The following ARHGAP23 variants were observed in gnomAD, a reference collection of about 807,000 sequenced individuals.
ARHGAP23 encodes Rho GTPase activating protein 23.
A neutral mutation model predicts 136.3 loss-of-function variants in ARHGAP23; 34 were observed. The ratio of observed to expected loss-of-function variants is 0.25; its 90% CI spans 0.19 to 0.33. ARHGAP23 has a LOEUF of 0.33. Among genes scored for constraint, ARHGAP23 ranks in the 10% least tolerant of loss-of-function variants. The probability of loss-of-function intolerance (pLI) is 1.00; values close to 1 mark genes in which losing one functional copy is unlikely to be tolerated. For missense variants in ARHGAP23, 1,808 were observed against 2,139.0 expected (o/e 0.85, Z 3.05); for synonymous variants, 832 against 920.5 (o/e 0.90, Z 1.74).
intron 23 of ARHGAP23, among the ~76,000 whole-genome samples, chr17:38,507,527 G>A (rs1006648371): frequency 3.9e-5 from 6 of 152,128 alleles, no homozygotes; most frequent in African/African-American, 1.4e-4. Context: ...ATCTCTCTGT[G>A]AATCTGCTGA....
At chr17:38,469,323 C>T in intron 8 of ARHGAP23, 24 bp downstream of exon 8, 2 of 1,539,348 alleles carry the variant, frequency 1.3e-6, no homozygotes, top group South Asian at 2.4e-5. Flanking sequence ...ACACCCCCAG[C>T]CCCACCCTCT....
intron 15 of ARHGAP23, 74 bp downstream of exon 15, chr17:38,482,217 A>G: frequency 6.6e-7 from 1 of 1,522,460 alleles, no homozygotes; most frequent in East Asian, 2.5e-5. Flanking sequence ...GCAGCAAGGG[A>G]CATGGAACCA....
chr17:38,492,357 A>G (rs1236111256), intron 20 of ARHGAP23, among the ~76,000 whole-genome samples: 3 of 152,204 alleles, frequency 2.0e-5, no homozygotes, highest in African/African-American at 7.2e-5. Flanking sequence ...TAAGACTGGC[A>G]GCTGGTCAGA....
intron 7 of ARHGAP23, among the ~76,000 whole-genome samples, chr17:38,468,668 C>T (rs2039670764): frequency 1.3e-5 from 2 of 152,166 alleles, no homozygotes; most frequent in African/African-American, 4.8e-5. Context: ...TCTTCCACAG[C>T]ACAGTCTGTT....
chr17:38,510,292 G>A lies in ARHGAP23; in HGVS notation c.3796G>A (p.Gly1266Ser), dbSNP rs1258914345. The A allele has an allele frequency of 2.0e-5, 26 of 1,288,132 alleles. No individual in the cohort carries two copies. The Admixed American group carries it at 2.7e-4, about 13-fold the overall frequency. 79.8% of individuals were successfully genotyped at this position (1,288,132 alleles called of 1,614,324 possible). ...MDRSVCSGAS[G>S]RRAGAGDEAD... ...CCGCAGCGTGTGCTCGGGCGCTAGC[G>A]GTCGGCGGGCAGGGGCGGGGGATGA... The change falls in exon 24 of 24, where the codon GGT becomes AGT. Residue 1266 changes from glycine to serine, a missense_variant. Coordinates refer to ENST00000622683, the MANE Select transcript of ARHGAP23 (RefSeq NM_001199417.2). The surrounding 1 kb of genome is among the most constrained non-coding windows in gnomAD (Gnocchi z 4.6).
chr17:38,427,030 A>G (rs2038580098), upstream of ARHGAP23, among the ~76,000 whole-genome samples: 1 of 152,208 alleles, frequency 6.6e-6, no homozygotes, highest in South Asian at 2.1e-4. Flanking sequence ...CTTCTTTTCT[A>G]CATAATCTGG....
At position 38,458,089 on chromosome 17, in the gene ARHGAP23, C is replaced by T; in HGVS notation, c.64-13C>T. ...CACACGGGCGCTCAGCCTGGCCTCT[C>T]TGTCTCCCACAGCTGCCACTGGGCC... On this transcript the variant is annotated splice_polypyrimidine_tract_variant and intron_variant, in intron 1 of 23. Coordinates refer to ENST00000622683, the MANE Select transcript of ARHGAP23 (RefSeq NM_001199417.2). The T allele has an allele frequency of 3.3e-6, 5 of 1,535,976 alleles. No homozygotes were observed. The highest frequency in any genetic ancestry group is 4.4e-6 in the Non-Finnish European group (5 of 1,146,880).
At chr17:38,455,581 CCACTTCTCGTCACTGGGGCAGCT>C (rs1205292856) in intron 1 of ARHGAP23, among the ~76,000 whole-genome samples, 3 of 152,178 alleles carry the variant, frequency 2.0e-5, no homozygotes, top group Non-Finnish European at 4.4e-5. Flanking sequence ...CCTGTCCCAG[CCACTTCTCGTCACTGGGGCAGCT>C]GGTGGCTTGA....
At chr17:38,449,086 T>C (rs2039100114) in intron 1 of ARHGAP23, among the ~76,000 whole-genome samples, 1 of 152,180 alleles carries the variant, frequency 6.6e-6, no homozygotes, top group African/African-American at 2.4e-5. Context: ...CCCAGAGTGC[T>C]GGGATTATAG....
chr17:38,458,695 C>G (rs2039388134), intron 2 of ARHGAP23, among the ~76,000 whole-genome samples: 1 of 152,184 alleles, frequency 6.6e-6, no homozygotes, highest in Non-Finnish European at 1.5e-5. Flanking sequence ...CGTGAGCTCT[C>G]AGGGGCCTAG....
chr17:38,426,829 T>A (rs1050078826), upstream of ARHGAP23, among the ~76,000 whole-genome samples: 2 of 151,664 alleles, frequency 1.3e-5, no homozygotes, highest in Non-Finnish European at 3.0e-5. Flanking sequence ...ATGGCCTAAT[T>A]GTTGTCTGGG....
intron 20 of ARHGAP23, among the ~76,000 whole-genome samples, chr17:38,497,404 T>C (rs1314955889): frequency 6.6e-6 from 1 of 152,218 alleles, no homozygotes; most frequent in Non-Finnish European, 1.5e-5. Flanking sequence ...CTAACGGCAC[T>C]GGTGCCTCCC....
At chr17:38,480,458 C>G (rs2040008974) in intron 14 of ARHGAP23, among the ~76,000 whole-genome samples, 1 of 152,056 alleles carries the variant, frequency 6.6e-6, no homozygotes, top group Non-Finnish European at 1.5e-5. Flanking sequence ...ACGGTGAAAC[C>G]CCGTCTCTAC....
intron 1 of ARHGAP23, among the ~76,000 whole-genome samples, chr17:38,435,847 C>T (rs996077365): frequency 5.3e-5 from 8 of 152,186 alleles, no homozygotes; most frequent in East Asian, 1.9e-4. Flanking sequence ...GTGATCCGCC[C>T]GCCTCAGCCT....
chr17:38,439,110 G>A (rs1384878610), intron 1 of ARHGAP23, among the ~76,000 whole-genome samples: 2 of 151,922 alleles, frequency 1.3e-5, no homozygotes, highest in Non-Finnish European at 1.5e-5. Flanking sequence ...CCGGGAGGTG[G>A]AGGTTGCAGT....
chr17:38,428,376 G>C (rs1193935950), upstream of ARHGAP23: 3 of 301,484 alleles, frequency 1.0e-5, no homozygotes, highest in Non-Finnish European at 1.5e-5. Context: ...GGCGGACCCC[G>C]GGGGGGGCCC....
At chr17:38,504,442 C>T (rs6503677) in intron 23 of ARHGAP23, among the ~76,000 whole-genome samples, 112,075 of 152,108 alleles carry the variant, frequency 0.74, 41,537 homozygotes, top group East Asian at 0.88. Context: ...CTGCCTCGGG[C>T]ACCAGGGCCT....
At chr17:38,436,503 C>T (rs370649621) in intron 1 of ARHGAP23, among the ~76,000 whole-genome samples, 9 of 152,196 alleles carry the variant, frequency 5.9e-5, no homozygotes, top group East Asian at 1.9e-4. Context: ...TGGGAAAGTC[C>T]GCCAGTGGGC....
At chr17:38,463,480 G>C in intron 6 of ARHGAP23, 98 bp downstream of exon 6, 1 of 1,402,462 alleles carries the variant, frequency 7.1e-7, no homozygotes, top group Non-Finnish European at 9.8e-7. Flanking sequence ...GAGGGCACAG[G>C]CCGACATTGC....
Sources: gnomAD v4.1 joint callset for allele counts (sites outside exome capture counted in the v4.1 genomes callset) on GRCh38, gnomAD v4.1.1 for gene constraint, Gnocchi (gnomAD v3.1) non-coding constraint, MANE v1.5 for transcripts, NCBI Gene and HGNC (gene_info 2026-07-23, HGNC 2026-07-21) for gene names.